ATP6V0A2: variants seen among roughly 807,000 people sequenced by gnomAD.
ATP6V0A2 encodes the protein V-type proton ATPase 116 kDa subunit a 2.
A neutral mutation model predicts 104.4 loss-of-function variants in ATP6V0A2; 58 were observed. The ratio of observed to expected loss-of-function variants is 0.56; its 90% CI spans 0.45 to 0.69. The LOEUF is 0.69. ATP6V0A2 is among the 30% of genes least tolerant of loss of function. ATP6V0A2 has a pLI of 0.00. For missense variants in ATP6V0A2, 938 were observed against 1,062.9 expected (o/e 0.88, Z 1.63); for synonymous variants, 376 against 397.9 (o/e 0.95, Z 0.65).
At chr12:123,733,497 T>C (rs7397746) in intron 6 of ATP6V0A2, 115,281 of 198,726 alleles carry the variant, frequency 0.58, 34,751 homozygotes, top group East Asian at 0.94. Flanking sequence ...ACATCACAGC[T>C]GTCTTGTGCT....
chr12:123,744,727 C>T lies in ATP6V0A2; in HGVS notation c.1457C>T (p.Ser486Leu), dbSNP rs201271558. 1.1e-4 allele frequency: 183 copies of T among 1,613,990 alleles called. No individual in the cohort carries two copies. The highest frequency in any genetic ancestry group is 1.5e-4 in the Non-Finnish European group (173 of 1,180,026). ...CTGTTCGGCTCTGGGTGGAACGTGT[C>T]GGCCATGTACAGCTCCAGCCACCCA... ...VNLFGSGWNV[S>L]AMYSSSHPPA... The change falls in exon 12 of 20, where the codon TCG becomes TTG. Residue 486 changes from serine (S) to leucine (L), a missense_variant. Coordinates refer to ENST00000330342, the MANE Select transcript of ATP6V0A2 (RefSeq NM_012463.4). The surrounding 1 kb of genome is among the most constrained non-coding windows in gnomAD (Gnocchi z 5.4).
chr12:123,736,424 C>T (rs1956554649), intron 8 of ATP6V0A2, among the ~76,000 whole-genome samples: 1 of 151,298 alleles, frequency 6.6e-6, no homozygotes, highest in South Asian at 2.1e-4. Flanking sequence ...GATCTCCTGA[C>T]CTCGTGATCC....
rs539042701 is a variant in ATP6V0A2, at chr12:123,745,150, G to A, written c.1605+178G>A. Among the ~76,000 whole-genome samples, 4 of 152,286 alleles carry A rather than the reference G, an allele frequency of 2.6e-5. No individual in the cohort carries two copies. In the East Asian group the frequency reaches 5.8e-4, roughly 22 times the overall value. ...GGGAGGGGAGGCCAGGAGCTGGGGG[G>A]CCCTCCGTTTGGGAAGGTGAGGTCA... On this transcript the variant is annotated intron_variant, in intron 13 of 19. Transcript: ENST00000330342.
At position 123,739,577 on chromosome 12, in the gene ATP6V0A2, C is replaced by T. The variant is rs1011742312; in HGVS notation, c.1038+2306C>T. 1.3e-5 allele frequency among the ~76,000 whole-genome samples: 2 copies of T among 152,198 alleles called. 1 individual carries two copies. The highest frequency in any genetic ancestry group is 1.3e-4 in the Admixed American group (2 of 15,274). ...CCAGGCGGAAGCGGGGAATCTCAGC[C>T]TCCAGCCTGCAGATCCCAGTTCTTG... On this transcript the variant is annotated intron_variant, in intron 9 of 19. Coordinates refer to ENST00000330342, the MANE Select transcript of ATP6V0A2 (RefSeq NM_012463.4).
In ATP6V0A2 at chr12:123,744,810, T is replaced by C; in HGVS notation, c.1514+26T>C. ...GTAAGTGTCCCATAGCTGGTGATGC[T>C]CTGGGTGGAAAGCATGTTTCCTAGA... On this transcript the variant is annotated intron_variant, in intron 12 of 19. Transcript: ENST00000330342. The surrounding 1 kb of genome is among the most constrained non-coding windows in gnomAD (Gnocchi z 5.4). 1 of 1,614,204 alleles carries C rather than the reference T, an allele frequency of 6.2e-7. No individual in the cohort carries two copies. The highest frequency in any genetic ancestry group is 8.5e-7 in the Non-Finnish European group (1 of 1,180,016).
chr12:123,723,955 G>T (rs895976144), intron 3 of ATP6V0A2: 1 of 152,112 alleles, frequency 6.6e-6, no homozygotes, highest in Non-Finnish European at 1.5e-5. Context: ...TCCGAGAAAT[G>T]ACAGCACCTG....
At chr12:123,722,942 C>T (rs1466725929) in intron 3 of ATP6V0A2, among the ~76,000 whole-genome samples, 3 of 152,066 alleles carry the variant, frequency 2.0e-5, no homozygotes, top group Non-Finnish European at 4.4e-5. Context: ...CAGCAAGCAG[C>T]GTTCTGTCAC....
intron 1 of ATP6V0A2, among the ~76,000 whole-genome samples, chr12:123,717,876 T>A (rs1956359768): frequency 6.6e-6 from 1 of 152,158 alleles, no homozygotes. Context: ...AGCTTTTTCC[T>A]TAGGTTAAAT....
chr12:123,743,847 C>G lies in ATP6V0A2; in HGVS notation c.1101C>G (p.Pro367=), dbSNP rs760912373. The G allele has an allele frequency of 1.1e-5, 17 of 1,614,038 alleles. 1 individual carries two copies. The highest frequency in any genetic ancestry group is 3.3e-5 in the South Asian group (3 of 91,074). The change falls in exon 10 of 20, where the codon CCC becomes CCG. Residue 367 remains proline, a synonymous_variant. Coordinates refer to ENST00000330342, the MANE Select transcript of ATP6V0A2 (RefSeq NM_012463.4). ...TAATCCCCACAAAAGAAACACCCCCCACTCGGATCCGCACCAACAAATTCA... is the reference window on the plus strand; with the variant it reads ...TAATCCCCACAAAAGAAACACCCCCGACTCGGATCCGCACCAACAAATTCA... ...MNIIPTKETP[P]TRIRTNKFTE...
At chr12:123,743,969 C>T in intron 10 of ATP6V0A2, 34 bp downstream of exon 10, 1 of 1,613,050 alleles carries the variant, frequency 6.2e-7, no homozygotes, top group East Asian at 2.2e-5. Flanking sequence ...CCCGTATTTC[C>T]AATGGCATTG....
At position 123,712,574 on chromosome 12, in the gene ATP6V0A2, C is replaced by A. The variant is rs1227297055; in HGVS notation, c.9C>A (p.Ser3=). The A allele has an allele frequency of 1.9e-6, 3 of 1,592,672 alleles. No homozygotes were observed. Among genetic ancestry groups the A allele is most frequent in the Non-Finnish European group, 2.6e-6 (3 of 1,172,346 alleles). The change falls in exon 1 of 20, where the codon TCC becomes TCA. Residue 3 remains serine (S), a synonymous_variant. Coordinates refer to ENST00000330342, the MANE Select transcript of ATP6V0A2 (RefSeq NM_012463.4). ...GCGCGGGTCGGCCCGCCATGGGGTC[C>A]CTGTTCCGGAGCGAGACCATGTGCC... MG[S]LFRSETMCLA...
chr12:123,722,464 C>A lies in ATP6V0A2; in HGVS notation c.294+16C>A, dbSNP rs201071260. 1.0e-5 allele frequency: 15 copies of A among 1,505,518 alleles called. No individual in the cohort carries two copies. Among genetic ancestry groups the A allele is most frequent in the Non-Finnish European group, 1.3e-5 (14 of 1,080,930 alleles). The allele number at this position is 1,505,518 out of a possible 1,614,324, so 93.3% of individuals were successfully genotyped here. On this transcript the variant is annotated intron_variant, in intron 3 of 19. Transcript: ENST00000330342. Reference sequence around the variant, plus strand: ...AGAAATGCAGGTAACTTGCTTCTGACGAAGCTGGTTGCAGCCATTGATCTT... The same window carrying A: ...AGAAATGCAGGTAACTTGCTTCTGAAGAAGCTGGTTGCAGCCATTGATCTT...
intron 1 of ATP6V0A2, among the ~76,000 whole-genome samples, chr12:123,715,712 G>A (rs1206639284): frequency 6.6e-6 from 1 of 152,122 alleles, no homozygotes; most frequent in Non-Finnish European, 1.5e-5. Context: ...TGATCCCAAC[G>A]CCTAGAAATT....
Position 123,744,723 on chromosome 12 carries a change from G to A in ATP6V0A2, c.1453G>A (p.Val485Met), listed in dbSNP as rs1409440584. 7.4e-6 allele frequency: 12 copies of A among 1,614,062 alleles called. 1 individual carries two copies. The highest frequency in any genetic ancestry group is 4.4e-5 in the South Asian group (4 of 91,084). The change falls in exon 12 of 20, where the codon GTG (valine) becomes ATG (methionine). Residue 485 changes from valine to methionine, a missense_variant. Val to Met is a conservative substitution (Grantham distance 21). Transcript: ENST00000330342. The surrounding 1 kb of genome is among the most constrained non-coding windows in gnomAD (Gnocchi z 5.4). ...CAACCTGTTCGGCTCTGGGTGGAAC[G>A]TGTCGGCCATGTACAGCTCCAGCCA... ...SVNLFGSGWN[V>M]SAMYSSSHPP...
At chr12:123,745,649 T>C (rs1158280535) in intron 13 of ATP6V0A2, among the ~76,000 whole-genome samples, 1 of 149,528 alleles carries the variant, frequency 6.7e-6, no homozygotes, top group Non-Finnish European at 1.5e-5. Flanking sequence ...AAGCTTGCAG[T>C]GAGCCGAGAT....
At chr12:123,749,685 A>C (rs981998319) in intron 15 of ATP6V0A2, among the ~76,000 whole-genome samples, 12 of 152,204 alleles carry the variant, frequency 7.9e-5, no homozygotes, top group African/African-American at 2.9e-4. Context: ...CCCACCTTAC[A>C]TTGAGGGTCT....
intron 9 of ATP6V0A2, among the ~76,000 whole-genome samples, chr12:123,740,693 A>G (rs1307392615): frequency 6.6e-6 from 1 of 152,136 alleles, no homozygotes; most frequent in Non-Finnish European, 1.5e-5. Context: ...TTCTTTGCTT[A>G]TCTTCAGTAT....
intron 6 of ATP6V0A2, 28 bp from the exon 7 acceptor site, chr12:123,733,897 TA>T (rs1956527515): frequency 6.5e-7 from 1 of 1,543,060 alleles, no homozygotes; most frequent in Non-Finnish European, 9.0e-7. Context: ...CACGCAGAAA[TA>T]ACACTTATCC....
intron 6 of ATP6V0A2, chr12:123,732,969 TA>T (rs1342735230): frequency 3.3e-5 from 5 of 152,286 alleles, no homozygotes; most frequent in African/African-American, 1.2e-4. Context: ...TTTTGTTGGA[TA>T]CTTGTAAATA....
Sources: gnomAD v4.1 joint callset for allele counts (sites outside exome capture counted in the v4.1 genomes callset) on GRCh38, gnomAD v4.1.1 for gene constraint, Gnocchi (gnomAD v3.1) non-coding constraint, MANE v1.5 for transcripts, NCBI Gene and HGNC (gene_info 2026-07-23, HGNC 2026-07-21) for gene names.